FIP1L1: variants seen among roughly 807,000 people sequenced by gnomAD.
FIP1L1 encodes pre-mRNA 3'-end-processing factor FIP1.
FIP1L1 carries 21 observed loss-of-function variants against 84.6 expected under a neutral mutation model. The observed-to-expected ratio is 0.25, with a 90% CI of 0.18 to 0.36. FIP1L1 has a LOEUF of 0.36. FIP1L1 is among the 10% of genes least tolerant of loss of function. The pLI, the probability that FIP1L1 is intolerant of heterozygous loss-of-function variation, is 1.00. For synonymous variants in FIP1L1, 263 were observed against 242.3 expected (o/e 1.09, Z -0.80); for missense variants, 526 against 751.1 (o/e 0.70, Z 3.50).
At position 53,417,657 on chromosome 4, in the gene FIP1L1, A is replaced by G. The variant is rs1305142994; in HGVS notation, c.923+2935A>G. Among the ~76,000 whole-genome samples the G allele has an allele frequency of 2.5e-3, 381 of 150,308 alleles. 6 individuals carry two copies. The highest frequency in any genetic ancestry group is 8.4e-3 in the African/African-American group (346 of 41,060). On this transcript the variant is annotated intron_variant, in intron 11 of 17. Transcript: ENST00000337488. ...AACTCCTTCTCAAAAAAAAAAAAAA[A>G]AAAAAAAAAGAAAAGAAAATTCCAC... is the stretch of plus-strand genomic sequence containing the variant.
Position 53,425,457 on chromosome 4 carries a change from A to C in FIP1L1, c.924-415A>C, listed in dbSNP as rs1025911883. 1.3e-3 allele frequency among the ~76,000 whole-genome samples: 192 copies of C among 152,150 alleles called. 2 individuals are homozygous for C. The highest frequency in any genetic ancestry group is 2.4e-4 in the Non-Finnish European group (16 of 67,922). ...GTATGTTAAAATGAGCATTATTTTC[A>C]GGCCTTTTTGGGGAATATTTAAAGT... On this transcript the variant is annotated intron_variant, in intron 11 of 17. Coordinates refer to ENST00000337488, the MANE Select transcript of FIP1L1 (RefSeq NM_030917.4).
At chr4:53,458,997 T>A (rs945892944) in intron 17 of FIP1L1, among the ~76,000 whole-genome samples, 3 of 152,114 alleles carry the variant, frequency 2.0e-5, no homozygotes, top group African/African-American at 7.2e-5. Flanking sequence ...CTATACAGTA[T>A]TTCCGGTTTT....
intron 14 of FIP1L1, among the ~76,000 whole-genome samples, 159 bp downstream of exon 14, chr4:53,442,866 G>A (rs1488450254): frequency 3.9e-5 from 6 of 151,922 alleles, no homozygotes; most frequent in Non-Finnish European, 8.8e-5. Context: ...ATAAGATGTT[G>A]GACCTGTAGC....
chr4:53,379,365 A>G, intron 3 of FIP1L1, 101 bp downstream of exon 3: 1 of 998,382 alleles, frequency 1.0e-6, no homozygotes, highest in Middle Eastern at 3.4e-4. Context: ...GCTTCATTAC[A>G]ACACTGACTT....
intron 3 of FIP1L1, among the ~76,000 whole-genome samples, chr4:53,380,491 A>G (rs770612952): frequency 6.6e-6 from 1 of 152,314 alleles, no homozygotes; most frequent in South Asian, 2.1e-4. Flanking sequence ...TGGTTGGACT[A>G]TGTGACCATA....
rs745381357 is a variant in FIP1L1 at position 53,412,560 on chromosome 4, GC to G, written c.816-2053del. Among the ~76,000 whole-genome samples, 78 of 152,106 alleles carry G rather than the reference GC, an allele frequency of 5.1e-4. 1 individual carries two copies. Among genetic ancestry groups the G allele is most frequent in the Non-Finnish European group, 3.8e-4 (26 of 67,930 alleles). On this transcript the variant is annotated intron_variant, in intron 10 of 17. Transcript: ENST00000337488. ...TGTTGAGTTAATTGTTCTTGGTTTTGCCTGATATTTTCTCATGATTAGATTC... is the reference window on the plus strand; with the variant it reads ...TGTTGAGTTAATTGTTCTTGGTTTTGCTGATATTTTCTCATGATTAGATTC...
intron 11 of FIP1L1, among the ~76,000 whole-genome samples, chr4:53,415,453 C>T (rs963900921): frequency 4.6e-5 from 7 of 151,824 alleles, no homozygotes; most frequent in Non-Finnish European, 8.8e-5. Flanking sequence ...CTTCAAAATA[C>T]AGACCAAGAT....
rs143872091 is a variant in FIP1L1, at chr4:53,412,154, C to T, written c.816-2461C>T. Among the ~76,000 whole-genome samples, 8 of 152,126 alleles carry T rather than the reference C, an allele frequency of 5.3e-5. No homozygotes were observed. The East Asian group carries it at 7.7e-4, about 15-fold the overall frequency. On this transcript the variant is annotated intron_variant, in intron 10 of 17. Transcript: ENST00000337488. ...AGTTAATAACATTTTGTCATATTTGCGTTATAATTTCTCAAAAACATTTTT... is the reference window on the plus strand; with the variant it reads ...AGTTAATAACATTTTGTCATATTTGTGTTATAATTTCTCAAAAACATTTTT...
At chr4:53,417,534 C>T (rs1370085793) in intron 11 of FIP1L1, among the ~76,000 whole-genome samples, 3 of 142,894 alleles carry the variant, frequency 2.1e-5, no homozygotes, top group Non-Finnish European at 4.5e-5. Flanking sequence ...CCCAGCTACT[C>T]GGGAGGCTGA....
rs767929124 is a variant in FIP1L1, at chr4:53,428,083, G to A, written c.1074G>A (p.Pro358=). Reference sequence around the variant, plus strand: ...ACAACAATTTTAGCAAACCACCTCCGTTTTTCCCTCCAGGAGCTCCTCCCA... The same window carrying A: ...ACAACAATTTTAGCAAACCACCTCCATTTTTCCCTCCAGGAGCTCCTCCCA... ...EVDNNFSKPP[P]FFPPGAPPTH... Residue 358 remains proline, a synonymous_variant, in exon 13 of 18, where the codon CCG becomes CCA. Transcript: ENST00000337488. 12 of 1,610,062 alleles carry A rather than the reference G, an allele frequency of 7.5e-6. No individual in the cohort carries two copies. Among genetic ancestry groups the A allele is most frequent in the African/African-American group, 1.3e-5 (1 of 74,960 alleles).
In FIP1L1 at chr4:53,452,954, G is replaced by A. The variant is rs112870891; in HGVS notation, c.1320G>A (p.Ser440=). ...CCCATCTTCCTGGTTCTGCTCCTTC[G>A]TGGCCTAGTCTTGTGGACACCAGCA... ...AFPHLPGSAP[S]WPSLVDTSKQ... Residue 440 remains serine (S), a synonymous_variant, in exon 16 of 18, where the codon TCG becomes TCA. Coordinates refer to ENST00000337488, the MANE Select transcript of FIP1L1 (RefSeq NM_030917.4). 1.2e-4 allele frequency: 196 copies of A among 1,612,728 alleles called. No individual in the cohort carries two copies. In the African/African-American group the frequency reaches 1.6e-3, roughly 13 times the overall value.
chr4:53,447,324 A>G (rs1033364839), intron 15 of FIP1L1, among the ~76,000 whole-genome samples: 3 of 151,944 alleles, frequency 2.0e-5, no homozygotes, highest in Non-Finnish European at 2.9e-5. Flanking sequence ...TCTCATTTAT[A>G]TATGTATTAC....
At chr4:53,444,400 C>T (rs1047720418) in intron 15 of FIP1L1, among the ~76,000 whole-genome samples, 5 of 152,120 alleles carry the variant, frequency 3.3e-5, no homozygotes, top group African/African-American at 4.8e-5. Context: ...TTGTTTGTAA[C>T]GTTTCTATTT....
intron 13 of FIP1L1, among the ~76,000 whole-genome samples, chr4:53,439,436 C>T (rs964016049): frequency 1.3e-5 from 2 of 151,968 alleles, no homozygotes; most frequent in Non-Finnish European, 2.9e-5. Flanking sequence ...CATTTGCTAC[C>T]TTAAGATCTT....
chr4:53,411,481 AT>A (rs77132887), intron 10 of FIP1L1, among the ~76,000 whole-genome samples: 3 of 151,784 alleles, frequency 2.0e-5, no homozygotes, highest in African/African-American at 4.8e-5. Context: ...CCATAAAAGT[AT>A]TTTTTTTGTT....
intron 15 of FIP1L1, among the ~76,000 whole-genome samples, chr4:53,444,934 C>T (rs1399482903): frequency 6.6e-6 from 1 of 151,992 alleles, no homozygotes; most frequent in Non-Finnish European, 1.5e-5. Flanking sequence ...AAGTTATAGG[C>T]TTATGGGGAG....
intron 10 of FIP1L1, among the ~76,000 whole-genome samples, chr4:53,411,216 C>G (rs1578532712): frequency 1.3e-5 from 2 of 151,750 alleles, no homozygotes; most frequent in East Asian, 3.9e-4. Context: ...GGGCCATTGG[C>G]TAAGAAGAGA....
chr4:53,381,792 C>T (rs1216710345), intron 3 of FIP1L1, among the ~76,000 whole-genome samples: 8 of 76,474 alleles, frequency 1.0e-4, no homozygotes, highest in Non-Finnish European at 2.2e-4. Context: ...CAGCATCTCA[C>T]GCTGTCGCCC....
chr4:53,454,512 C>T (rs1717878314), intron 16 of FIP1L1, among the ~76,000 whole-genome samples: 1 of 152,134 alleles, frequency 6.6e-6, no homozygotes, highest in South Asian at 2.1e-4. Flanking sequence ...AGCTTTCCAC[C>T]ATCCCCAGTG....
Sources: allele counts gnomAD v4.1 joint callset (sites outside exome capture counted in the v4.1 genomes callset), GRCh38; gene constraint gnomAD v4.1.1; transcripts MANE v1.5; gene names NCBI Gene and HGNC (gene_info 2026-07-23, HGNC 2026-07-21).